The following LRPPRC variants were observed in gnomAD, a reference collection of about 807,000 sequenced individuals.
The protein encoded by LRPPRC is leucine-rich PPR motif-containing protein, mitochondrial.
Under a neutral mutation model 180.3 loss-of-function variants are expected in LRPPRC, and 120 were observed. That is an observed-to-expected ratio of 0.67 (90% CI 0.57 to 0.77). The LOEUF (loss-of-function observed/expected upper bound fraction) is 0.77. LRPPRC is among the 30% of genes least tolerant of loss of function. LRPPRC has a pLI of 0.00. For missense variants in LRPPRC, 2,012 were observed against 1,657.2 expected (o/e 1.21, Z -3.72); for synonymous variants, 723 against 600.0 (o/e 1.21, Z -3.00).
intron 35 of LRPPRC, among the ~76,000 whole-genome samples, chr2:43,896,067 G>GGT (rs1437739338): frequency 6.6e-6 from 1 of 151,940 alleles, no homozygotes; most frequent in Non-Finnish European, 1.5e-5. Context: ...TTTACCTGAT[G>GGT]GTTTATACCT....
At chr2:43,939,262 C>T (rs2105068930) in intron 23 of LRPPRC, among the ~76,000 whole-genome samples, 1 of 151,706 alleles carries the variant, frequency 6.6e-6, no homozygotes, top group African/African-American at 2.4e-5. Context: ...GCCTGGGAGA[C>T]AGCAAGACTC....
In LRPPRC at chr2:43,977,244, A is replaced by C; in HGVS notation, c.502T>G (p.Leu168Val). 1 of 1,601,218 alleles carries C rather than the reference A, an allele frequency of 6.2e-7. No homozygotes were observed. Among genetic ancestry groups the C allele is most frequent in the South Asian group, 1.1e-5 (1 of 90,824 alleles). ...AVYDVSHYNA[L>V]LKVYLQNEYK... ...TCATTTTGAAGATAGACTTTAAGTA[A>C]AGCATTATAGTGACTCACATCATAC... Residue 168 changes from leucine to valine, a missense_variant, in exon 4 of 38, where the codon TTA becomes GTA. Transcript: ENST00000260665.
At chr2:43,959,623 G>C (rs1345379108) in intron 13 of LRPPRC, among the ~76,000 whole-genome samples, 1 of 152,128 alleles carries the variant, frequency 6.6e-6, no homozygotes, top group African/African-American at 2.4e-5. Context: ...ATAAAATACA[G>C]GCCAGGCGCA....
intron 11 of LRPPRC, among the ~76,000 whole-genome samples, chr2:43,964,387 T>C (rs1421690725): frequency 6.6e-6 from 1 of 152,152 alleles, no homozygotes; most frequent in African/African-American, 2.4e-5. Context: ...AACTGTCAGA[T>C]TACTCAAGTA....
chr2:43,990,077 G>A (rs1230079923), intron 1 of LRPPRC, among the ~76,000 whole-genome samples: 1 of 152,038 alleles, frequency 6.6e-6, no homozygotes, highest in Non-Finnish European at 1.5e-5. Flanking sequence ...AAATTAGCCA[G>A]GCATGGTGGC....
Position 43,927,079 on chromosome 2 carries a change from C to G in LRPPRC, c.2737-1118G>C, listed in dbSNP as rs549093062. On this transcript the variant is annotated intron_variant, in intron 25 of 37. Coordinates refer to ENST00000260665, the MANE Select transcript of LRPPRC (RefSeq NM_133259.4). ...TTTCAACATAATTCCAAGGATTTGT[C>G]ACTCTATAGTATTTTCATCATCTGC... Among the ~76,000 whole-genome samples the G allele has an allele frequency of 5.3e-5, 8 of 152,286 alleles. No individual in the cohort carries two copies. The South Asian group carries it at 1.7e-3, about 32-fold the overall frequency.
At chr2:43,976,590 A>G (rs892517198) in intron 5 of LRPPRC, among the ~76,000 whole-genome samples, 3 of 152,058 alleles carry the variant, frequency 2.0e-5, no homozygotes, top group East Asian at 3.8e-4. Flanking sequence ...CCTTCCATTC[A>G]TAAGTAGTAA....
chr2:43,970,897 G>C (rs1673775268), intron 11 of LRPPRC, among the ~76,000 whole-genome samples: 2 of 152,106 alleles, frequency 1.3e-5, no homozygotes, highest in Admixed American at 6.6e-5. Flanking sequence ...TCAGGAGTTT[G>C]AGACCAGCCT....
intron 16 of LRPPRC, among the ~76,000 whole-genome samples, chr2:43,949,133 G>A (rs777062541): frequency 3.3e-5 from 5 of 151,922 alleles, no homozygotes; most frequent in Non-Finnish European, 7.4e-5. Context: ...CTTTCAAGAG[G>A]GGTACCATCT....
chr2:43,901,601 A>T, intron 31 of LRPPRC, 77 bp from the exon 32 acceptor site: 1 of 865,960 alleles, frequency 1.2e-6, no homozygotes, highest in Non-Finnish European at 2.0e-6. Context: ...ACCAGCTTTT[A>T]AATATGAGCA....
At chr2:43,909,210 A>G (rs1402376455) in intron 30 of LRPPRC, among the ~76,000 whole-genome samples, 2 of 152,230 alleles carry the variant, frequency 1.3e-5, no homozygotes, top group African/African-American at 4.8e-5. Flanking sequence ...TTAACCCATG[A>G]AACAATTCTA....
intron 31 of LRPPRC, chr2:43,903,790 C>T (rs1339704034): frequency 3.3e-5 from 5 of 152,112 alleles, no homozygotes; most frequent in Admixed American, 3.3e-4. Flanking sequence ...AATGAACCCC[C>T]TGAAATTAGA....
chr2:43,965,094 C>G lies in LRPPRC; in HGVS notation c.1370-1388G>C, dbSNP rs188730182. Among the ~76,000 whole-genome samples, 501 of 152,232 alleles carry G rather than the reference C, an allele frequency of 3.3e-3. 6 individuals carry two copies. Among genetic ancestry groups the G allele is most frequent in the African/African-American group, 0.011 (471 of 41,534 alleles). Reference sequence around the variant, plus strand: ...TTGGCTCACTACAACCTCCACCTCCCGGGTTCAAGCAATTCTCCTGCCTCA... The same window carrying G: ...TTGGCTCACTACAACCTCCACCTCCGGGGTTCAAGCAATTCTCCTGCCTCA... On this transcript the variant is annotated intron_variant, in intron 11 of 37. Transcript: ENST00000260665.
intron 1 of LRPPRC, among the ~76,000 whole-genome samples, chr2:43,992,783 C>G (rs1399877156): frequency 6.6e-6 from 1 of 152,022 alleles, no homozygotes; most frequent in Non-Finnish European, 1.5e-5. Flanking sequence ...ATAGGGAACA[C>G]AAGAGGAACA....
intron 1 of LRPPRC, among the ~76,000 whole-genome samples, chr2:43,985,350 T>C (rs896359462): frequency 2.0e-5 from 3 of 152,186 alleles, no homozygotes; most frequent in Non-Finnish European, 4.4e-5. Context: ...ACATTATCCA[T>C]CAACCAAAGT....
Position 43,960,631 on chromosome 2 carries a change from T to C in LRPPRC, c.1492A>G (p.Asn498Asp). Reference sequence around the variant, plus strand: ...ATATCACTATCAGACAGACATCCATTTTCCTGGAGATAAAGCATATATCAA... The same window carrying C: ...ATATCACTATCAGACAGACATCCATCTTCCTGGAGATAAAGCATATATCAA... Reference protein sequence around the residue: ...VNSARAILQENGCLSDSDMFS... With the variant: ...VNSARAILQEDGCLSDSDMFS... Residue 498 changes from asparagine to aspartate, a missense_variant, in exon 13 of 38, where the codon AAT becomes GAT. By Grantham distance (23) the Asn-to-Asp change is conservative (BLOSUM62 1). Coordinates refer to ENST00000260665, the MANE Select transcript of LRPPRC (RefSeq NM_133259.4). 1.3e-6 allele frequency: 2 copies of C among 1,543,810 alleles called. No homozygotes were observed. Among genetic ancestry groups the C allele is most frequent in the Non-Finnish European group, 1.8e-6 (2 of 1,118,190 alleles).
chr2:43,976,618 G>A (rs1041224508), intron 5 of LRPPRC, among the ~76,000 whole-genome samples: 1 of 150,232 alleles, frequency 6.7e-6, no homozygotes, highest in African/African-American at 2.4e-5. Flanking sequence ...TACATAAGCA[G>A]AGAAATGGTG....
Position 43,975,072 on chromosome 2 carries a change from A to T in LRPPRC, c.864+19T>A, listed in dbSNP as rs745625343. ...TTACAAATGATTTTAAAGTATGTTT[A>T]TTTAGACATAAGTCATACCTGCTTA... On this transcript the variant is annotated intron_variant, in intron 7 of 37. Transcript: ENST00000260665. The T allele has an allele frequency of 6.2e-7, 1 of 1,610,052 alleles. No homozygotes were observed. Among genetic ancestry groups the T allele is most frequent in the South Asian group, 1.1e-5 (1 of 91,034 alleles).
intron 36 of LRPPRC, among the ~76,000 whole-genome samples, chr2:43,891,270 C>T (rs1406489538): frequency 6.6e-6 from 1 of 152,184 alleles, no homozygotes; most frequent in African/African-American, 2.4e-5. Flanking sequence ...AATGGATTAC[C>T]TAATTTAGTA....
Sources: allele counts gnomAD v4.1 joint callset (sites outside exome capture counted in the v4.1 genomes callset), GRCh38; gene constraint gnomAD v4.1.1; transcripts MANE v1.5; gene names NCBI Gene and HGNC (gene_info 2026-07-23, HGNC 2026-07-21).